TXNRD2: variants seen among roughly 807,000 people sequenced by gnomAD.
TXNRD2 encodes the protein thioredoxin reductase 2, mitochondrial.
In TXNRD2, 67 loss-of-function variants were observed where a neutral mutation model predicts 70.8. That is an observed-to-expected ratio of 0.95 (90% CI 0.78 to 1.16). TXNRD2 has a LOEUF of 1.16. Among genes scored for constraint, TXNRD2 ranks in the 50% most tolerant of loss-of-function variants. TXNRD2 has a pLI of 0.00. For synonymous variants in TXNRD2, 301 were observed against 295.8 expected (o/e 1.02, Z -0.18); for missense variants, 644 against 719.9 (o/e 0.89, Z 1.21).
intron 8 of TXNRD2, among the ~76,000 whole-genome samples, chr22:19,908,883 T>G (rs1252251486): frequency 6.6e-6 from 1 of 152,164 alleles, no homozygotes; most frequent in Non-Finnish European, 1.5e-5. Context: ...ATTAATACAT[T>G]TAATACCATT....
chr22:19,910,754 C>T (rs1940369256), intron 8 of TXNRD2, among the ~76,000 whole-genome samples: 1 of 152,036 alleles, frequency 6.6e-6, no homozygotes. Flanking sequence ...ACTACAGGTG[C>T]ACAGTACTAT....
intron 8 of TXNRD2, among the ~76,000 whole-genome samples, chr22:19,906,842 ACTCTCAGGAGAG>A (rs1940039821): frequency 1.2e-5 from 1 of 80,620 alleles, no homozygotes; most frequent in African/African-American, 4.7e-5. Flanking sequence ...AGCAGTGACC[ACTCTCAGGAGAG>A]TGTGGGCGCC....
At chr22:19,939,438 TCTTC>T (rs1941629181) in intron 1 of TXNRD2, among the ~76,000 whole-genome samples, 1 of 152,238 alleles carries the variant, frequency 6.6e-6, no homozygotes, top group Non-Finnish European at 1.5e-5. Context: ...TTAATAATTA[TCTTC>T]CTTACACTTT....
intron 9 of TXNRD2, 134 bp downstream of exon 9, chr22:19,898,915 T>A: frequency 8.9e-7 from 1 of 1,128,692 alleles, no homozygotes; most frequent in Non-Finnish European, 1.3e-6. Flanking sequence ...CAGTAGATCC[T>A]CCACGCCGAG....
intron 8 of TXNRD2, among the ~76,000 whole-genome samples, chr22:19,900,726 G>A (rs1040975902): frequency 6.7e-6 from 1 of 149,918 alleles, no homozygotes; most frequent in Non-Finnish European, 1.5e-5. Flanking sequence ...CTCCAGCCTG[G>A]GCAACAGAGC....
chr22:19,892,507 G>A (rs1939310536), intron 11 of TXNRD2, among the ~76,000 whole-genome samples: 1 of 152,256 alleles, frequency 6.6e-6, no homozygotes, highest in Non-Finnish European at 1.5e-5. Context: ...CAGACTCCTA[G>A]CAAGGGAGGA....
chr22:19,918,057 T>C (rs945608000), intron 5 of TXNRD2, 86 bp downstream of exon 5: 1 of 1,196,268 alleles, frequency 8.4e-7, no homozygotes, highest in Non-Finnish European at 1.2e-6. Context: ...GAGCATGCTC[T>C]GCACAGTAAG....
At chr22:19,921,828 A>G (rs1207329342) in intron 2 of TXNRD2, among the ~76,000 whole-genome samples, 1 of 152,156 alleles carries the variant, frequency 6.6e-6, no homozygotes, top group African/African-American at 2.4e-5. Flanking sequence ...ACTGGAGGGG[A>G]CAGAGCCCAC....
At chr22:19,877,567 A>G (rs1938566493) in intron 16 of TXNRD2, among the ~76,000 whole-genome samples, 1 of 151,994 alleles carries the variant, frequency 6.6e-6, no homozygotes, top group East Asian at 1.9e-4. Flanking sequence ...TCCTGGCCTC[A>G]CCACACCACC....
chr22:19,919,659 G>C (rs780046935), intron 2 of TXNRD2, 60 bp from the exon 3 acceptor site: 89 of 1,456,918 alleles, frequency 6.1e-5, no homozygotes, highest in Admixed American at 1.9e-4. Context: ...CTCAAGAACA[G>C]GCACTCCTCA....
chr22:19,925,290 C>A (rs1039867324), intron 2 of TXNRD2, among the ~76,000 whole-genome samples: 7 of 151,488 alleles, frequency 4.6e-5, no homozygotes, highest in Admixed American at 6.6e-5. Flanking sequence ...TCTCAAAAAA[C>A]AAAACAAAAC....
chr22:19,896,663 G>A (rs1939521194), intron 10 of TXNRD2, among the ~76,000 whole-genome samples: 2 of 152,266 alleles, frequency 1.3e-5, no homozygotes, highest in Admixed American at 1.3e-4. Flanking sequence ...TGGGGGCCCT[G>A]TTCCCAGGAC....
intron 8 of TXNRD2, chr22:19,902,945 C>T (rs1442165394): frequency 9.6e-6 from 5 of 518,674 alleles, no homozygotes; most frequent in East Asian, 5.4e-5. Flanking sequence ...GGCTGGCTTC[C>T]GGACTTCCTA....
At chr22:19,893,527 A>T (rs1466101937) in intron 11 of TXNRD2, among the ~76,000 whole-genome samples, 1 of 152,166 alleles carries the variant, frequency 6.6e-6, no homozygotes, top group African/African-American at 2.4e-5. Context: ...GGGACAGAGC[A>T]GTGTCTGGGC....
intron 2 of TXNRD2, among the ~76,000 whole-genome samples, chr22:19,921,092 G>GC (rs1458583723): frequency 5.5e-5 from 8 of 145,368 alleles, no homozygotes; most frequent in African/African-American, 2.1e-4. Context: ...GGGTGACAGA[G>GC]CGAGACTCTG....
At chr22:19,883,518 G>T in intron 11 of TXNRD2, 57 bp from the exon 12 acceptor site, 1 of 1,611,334 alleles carries the variant, frequency 6.2e-7, no homozygotes, top group Non-Finnish European at 8.5e-7. Context: ...GACCTAGAGC[G>T]GTTGTGTTTA....
chr22:19,907,257 CCGTGGGTAGCAGTG>C, intron 8 of TXNRD2, among the ~76,000 whole-genome samples: 2 of 59,730 alleles, frequency 3.3e-5, no homozygotes, highest in South Asian at 7.1e-4. Context: ...AGTGTGGGCG[CCGTGGGTAGCAGTG>C]ACCGCTCTCA....
rs1374323442 is a variant in TXNRD2, at chr22:19,928,375, C to T, written c.172+2655G>A. On this transcript the variant is annotated intron_variant, in intron 2 of 17. Coordinates refer to ENST00000400521, the MANE Select transcript of TXNRD2 (RefSeq NM_006440.5). ...CGAAACGGCACAGCCATAAACAGAA[C>T]ACTACTCAGCAATGAAAAGCAAGAA... 2.0e-5 allele frequency among the ~76,000 whole-genome samples: 3 copies of T among 152,154 alleles called. 1 individual carries two copies. Among genetic ancestry groups the T allele is most frequent in the Non-Finnish European group, 1.5e-5 (1 of 68,036 alleles).
intron 1 of TXNRD2, chr22:19,932,696 C>T: frequency 1.3e-6 from 1 of 747,788 alleles, no homozygotes; most frequent in East Asian, 4.3e-5. Flanking sequence ...CTCAGCCCCT[C>T]TGCAGACACG....
Sources: allele counts gnomAD v4.1 joint callset (sites outside exome capture counted in the v4.1 genomes callset), GRCh38; gene constraint gnomAD v4.1.1; transcripts MANE v1.5; gene names NCBI Gene and HGNC (gene_info 2026-07-23, HGNC 2026-07-21).